The following RALYL variants were observed in gnomAD, a reference collection of about 807,000 sequenced individuals.
RALYL encodes RNA-binding Raly-like protein.
RALYL carries 29 observed loss-of-function variants against 35.1 expected under a neutral mutation model. The ratio of observed to expected loss-of-function variants is 0.83; its 90% CI spans 0.61 to 1.13. RALYL has a LOEUF of 1.13. Ranked by LOEUF, RALYL falls within the 50% of genes most tolerant of loss-of-function variation. RALYL has a pLI of 0.00. For missense variants in RALYL, 359 were observed against 360.4 expected (o/e 1.00, Z 0.03); for synonymous variants, 120 against 127.6 (o/e 0.94, Z 0.40).
intron 1 of RALYL, among the ~76,000 whole-genome samples, chr8:84,259,906 G>C (rs1041206326): frequency 6.6e-6 from 1 of 152,160 alleles, no homozygotes; most frequent in African/African-American, 2.4e-5. Context: ...ACGGAGACCA[G>C]GCTGTTGCAA....
chr8:84,902,697 C>T (rs1329229507), intron 8 of RALYL, among the ~76,000 whole-genome samples: 5 of 152,154 alleles, frequency 3.3e-5, no homozygotes, highest in South Asian at 2.1e-4. Flanking sequence ...ATACATTTAT[C>T]GATTCAGTTA....
At chr8:84,212,913 T>C (rs1376313327) in intron 1 of RALYL, among the ~76,000 whole-genome samples, 1 of 152,166 alleles carries the variant, frequency 6.6e-6, no homozygotes, top group Non-Finnish European at 1.5e-5. Flanking sequence ...CAGTCATAAA[T>C]AAGTAATACA....
rs1831125853 is a variant in RALYL, at chr8:84,662,484, A to AACAAAGAAATCTTATTCTTTACAT, written c.257-112091_257-112068dup. On this transcript the variant is annotated intron_variant, in intron 2 of 8. Coordinates refer to ENST00000521268, the MANE Select transcript of RALYL (RefSeq NM_173848.7). ...TGATATAATATTTTGATTTTGTTTA[A>AACAAAGAAATCTTATTCTTTACAT]ACAAAGAAATCTTATTCTTTACATA... Among the ~76,000 whole-genome samples the AACAAAGAAATCTTATTCTTTACAT allele has an allele frequency of 2.6e-5, 4 of 152,278 alleles. No homozygotes were observed. In the South Asian group the frequency reaches 8.3e-4, roughly 32 times the overall value.
At chr8:84,358,677 T>C (rs1368307680) in intron 1 of RALYL, among the ~76,000 whole-genome samples, 2 of 152,026 alleles carry the variant, frequency 1.3e-5, no homozygotes, top group Non-Finnish European at 2.9e-5. Flanking sequence ...CTGAAGTGCA[T>C]ATGTGAGAAG....
intron 2 of RALYL, among the ~76,000 whole-genome samples, chr8:84,735,005 TTGTGTGTGTG>T (rs3068131): frequency 5.5e-5 from 8 of 146,570 alleles, no homozygotes; most frequent in Non-Finnish European, 9.0e-5. Flanking sequence ...ATAGATATGT[TTGTGTGTGTG>T]TGTGTGTGTG....
chr8:84,429,320 C>T (rs77905660), intron 1 of RALYL, among the ~76,000 whole-genome samples: 1,618 of 152,132 alleles, frequency 0.011, 28 homozygotes, highest in African/African-American at 0.037. Context: ...GAATAACATA[C>T]GAACAATGAA....
intron 2 of RALYL, among the ~76,000 whole-genome samples, chr8:84,733,604 T>C (rs529349791): frequency 6.6e-6 from 1 of 152,204 alleles, no homozygotes; most frequent in Non-Finnish European, 1.5e-5. Flanking sequence ...AAATTTAGCC[T>C]GAGCTTTAAA....
chr8:84,249,322 T>C lies in RALYL; in HGVS notation c.-24+64898T>C, dbSNP rs553266887. 7.9e-5 allele frequency among the ~76,000 whole-genome samples: 12 copies of C among 152,238 alleles called. No homozygotes were observed. The South Asian group carries it at 2.5e-3, about 32-fold the overall frequency. ...ACAGTCAGCTAACCTGTTAGATTGC[T>C]GTAAAATTTGCAAGACAAAACTTGT... On this transcript the variant is annotated intron_variant, in intron 1 of 8. Transcript: ENST00000521268.
At chr8:84,916,211 A>C (rs890906693) in intron 8 of RALYL, among the ~76,000 whole-genome samples, 1 of 152,180 alleles carries the variant, frequency 6.6e-6, no homozygotes, top group Non-Finnish European at 1.5e-5. Flanking sequence ...GTGACTGTCA[A>C]ACTTTTGCAT....
chr8:84,887,852 T>C lies in RALYL; in HGVS notation c.858+76T>C, dbSNP rs1843172295. On this transcript the variant is annotated intron_variant, in intron 8 of 8. Coordinates refer to ENST00000521268, the MANE Select transcript of RALYL (RefSeq NM_173848.7). Reference sequence around the variant, plus strand: ...TGTTAGCAACTCATTCATTCTAAAATAAGGATTAAATCATTTGGGGCTTAT... The same window carrying C: ...TGTTAGCAACTCATTCATTCTAAAACAAGGATTAAATCATTTGGGGCTTAT... 6.8e-6 allele frequency: 9 copies of C among 1,328,712 alleles called. No homozygotes were observed. The East Asian group carries it at 6.9e-5, about 10-fold the overall frequency. The allele number at this position is 1,328,712 out of a possible 1,614,324, so 82.3% of individuals were successfully genotyped here. A position where few individuals can be genotyped will look rare whatever the true frequency, so the allele number is the denominator to read the frequency against.
intron 1 of RALYL, among the ~76,000 whole-genome samples, chr8:84,372,886 G>GTTTTTTTGTTTTTTTT (rs1856062222): frequency 2.6e-5 from 1 of 39,064 alleles, no homozygotes; most frequent in Non-Finnish European, 4.5e-5. Context: ...GCCAGCATCT[G>GTTTTTTTGTTTTTTTT]TTTTTTTTTT....
chr8:84,184,944 G>T, intron 1 of RALYL: 3 of 1,611,810 alleles, frequency 1.9e-6, no homozygotes, highest in Non-Finnish European at 2.5e-6. Context: ...CATTTCCAGA[G>T]CCTTGAGGAT....
At chr8:84,340,345 A>G (rs899637657) in intron 1 of RALYL, among the ~76,000 whole-genome samples, 5 of 152,108 alleles carry the variant, frequency 3.3e-5, no homozygotes, top group African/African-American at 1.2e-4. Context: ...ATACAGTGTT[A>G]TTAACTGTGG....
chr8:84,529,647 C>A, intron 2 of RALYL, 70 bp downstream of exon 2: 1 of 1,401,640 alleles, frequency 7.1e-7, no homozygotes, highest in Non-Finnish European at 9.8e-7. Flanking sequence ...TTTCACAAAA[C>A]CCAACACCAC....
chr8:84,823,669 C>G (rs1229495430), intron 4 of RALYL, among the ~76,000 whole-genome samples: 1 of 152,008 alleles, frequency 6.6e-6, no homozygotes, highest in East Asian at 1.9e-4. Context: ...CTCTCTCCTC[C>G]TTGACACCTC....
chr8:84,679,021 C>G, intron 2 of RALYL: 1 of 346,818 alleles, frequency 2.9e-6, no homozygotes, highest in Non-Finnish European at 5.8e-6. Context: ...CTGGCCACCA[C>G]CAGCACTCTG....
At position 84,835,502 on chromosome 8, in the gene RALYL, TAAA is replaced by T. The variant is rs35745516; in HGVS notation, c.366-14456_366-14454del. On this transcript the variant is annotated intron_variant, in intron 4 of 8. Transcript: ENST00000521268. ...CAACATGGAGAAACCCTGTCTCTAC[TAAA>T]AAAAAAAAAAAAAAAAAAAAATACA... Among the ~76,000 whole-genome samples, 487 of 96,326 alleles carry T rather than the reference TAAA, an allele frequency of 5.1e-3. 3 individuals are homozygous for T. Among genetic ancestry groups the T allele is most frequent in the Admixed American group, 0.024 (196 of 8,014 alleles). 63.2% of individuals were successfully genotyped at this position (96,326 alleles called of 152,430 possible).
chr8:84,537,068 T>C (rs1204916245), intron 2 of RALYL, among the ~76,000 whole-genome samples: 1 of 151,456 alleles, frequency 6.6e-6, no homozygotes, highest in Non-Finnish European at 1.5e-5. Flanking sequence ...TATGTAGAGA[T>C]GGCTACTATA....
At chr8:84,466,577 T>C (rs2051688325) in intron 1 of RALYL, among the ~76,000 whole-genome samples, 1 of 151,316 alleles carries the variant, frequency 6.6e-6, no homozygotes, top group East Asian at 1.9e-4. Context: ...GCATCAATGT[T>C]CATCAAGGAT....
Sources: allele counts gnomAD v4.1 joint callset (sites outside exome capture counted in the v4.1 genomes callset), GRCh38; gene constraint gnomAD v4.1.1; transcripts MANE v1.5; gene names NCBI Gene and HGNC (gene_info 2026-07-23, HGNC 2026-07-21).